ANO7: variants seen among roughly 807,000 people sequenced by gnomAD.
ANO7 encodes anoctamin-7.
A neutral mutation model predicts 115.8 loss-of-function variants in ANO7; 114 were observed. The observed-to-expected ratio is 0.98, with a 90% CI of 0.85 to 1.15. ANO7 has a LOEUF of 1.15. ANO7 is among the 50% of genes most tolerant of loss of function. ANO7 has a pLI of 0.00. For synonymous variants in ANO7, 550 were observed against 498.2 expected (o/e 1.10, Z -1.38); for missense variants, 1,302 against 1,201.2 (o/e 1.08, Z -1.24).
At chr2:241,235,475 G>C in the ANO7 span, 1 of 1,600,814 alleles carries the variant, frequency 6.2e-7, no homozygotes, top group East Asian at 2.2e-5. Context: ...ATGGCCTCCC[G>C]GGAAAGGGGT....
Position 241,217,922 on chromosome 2 carries a change from CGGGGGCGCGCAGGGGCG to C in ANO7, c.2178+36_2178+52del, listed in dbSNP as rs780276274. 548 of 534,484 alleles carry C rather than the reference CGGGGGCGCGCAGGGGCG, an allele frequency of 1.0e-3. 9 individuals are homozygous for C. The highest frequency in any genetic ancestry group is 8.3e-3 in the South Asian group (375 of 45,202). The allele number at this position is 534,484 out of a possible 1,614,324, so 33.1% of individuals were successfully genotyped here. A position where few individuals can be genotyped will look rare whatever the true frequency, so the allele number is the denominator to read the frequency against. On this transcript the variant is annotated intron_variant, in intron 20 of 24. Transcript: ENST00000674324. ...GCCCGGGCGGGAGCGCGGGGCGGGG[CGGGGGCGCGCAGGGGCG>C]GGGGCGGGGGGGGCAGCGGGGGCGC...
chr2:241,217,679 C>T lies in ANO7; in HGVS notation c.1973-7C>T. On this transcript the variant is annotated splice_polypyrimidine_tract_variant and splice_region_variant and intron_variant, in intron 19 of 24. Transcript: ENST00000674324. ...CGGAGAGCCCGGCCGTGACCCCCTC[C>T]CCGCAGTGCTGCAGTTCGGCTTCGT... 1 of 1,574,266 alleles carries T rather than the reference C, an allele frequency of 6.4e-7. No homozygotes were observed. Among genetic ancestry groups the T allele is most frequent in the Non-Finnish European group, 8.6e-7 (1 of 1,160,804 alleles).
intron 10 of ANO7, 28 bp downstream of exon 10, chr2:241,204,983 G>A (rs1373738713): frequency 1.9e-6 from 3 of 1,605,720 alleles, no homozygotes; most frequent in Non-Finnish European, 2.6e-6. Flanking sequence ...GCAGCTCTGG[G>A]GCCTGGTGCT....
downstream of ANO7, among the ~76,000 whole-genome samples, chr2:241,230,521 C>T (rs989650763): frequency 3.3e-5 from 5 of 152,226 alleles, no homozygotes; most frequent in South Asian, 2.1e-4. The surrounding 1 kb of genome is among the most constrained non-coding windows in gnomAD (Gnocchi z 5.0). Flanking sequence ...CCACAGAGGA[C>T]GAGCTCGCCA....
intron 11 of ANO7, among the ~76,000 whole-genome samples, chr2:241,208,924 T>G (rs11681647): frequency 1.3e-5 from 2 of 151,466 alleles, no homozygotes; most frequent in Non-Finnish European, 2.9e-5. Context: ...CCAAGGCGGG[T>G]GGATCACAAG....
At chr2:241,190,751 T>C (rs1423883585) in intron 2 of ANO7, among the ~76,000 whole-genome samples, 1 of 152,104 alleles carries the variant, frequency 6.6e-6, no homozygotes, top group African/African-American at 2.4e-5. Flanking sequence ...ACAGGGCCTC[T>C]CACCTCAAGC....
chr2:241,215,620 A>C (rs2068812536), intron 18 of ANO7, among the ~76,000 whole-genome samples: 1 of 152,236 alleles, frequency 6.6e-6, no homozygotes, highest in African/African-American at 2.4e-5. Context: ...TGCAGGGTGG[A>C]GCTCTGTGCC....
rs1022022853 is a variant in ANO7 at position 241,209,566 on chromosome 2, C to T, written c.1290C>T (p.Asp430=). ...MTAPNPITGE[D]EPYFPERSRA... ...CCCCGAACCCCATCACGGGTGAGGA[C>T]GAGCCCTACTTCCCTGAGAGGAGCC... Residue 430 remains aspartate, a synonymous_variant, in exon 13 of 25, where the codon GAC becomes GAT. Transcript: ENST00000674324. 3.7e-6 allele frequency: 6 copies of T among 1,601,562 alleles called. No individual in the cohort carries two copies. Among genetic ancestry groups the T allele is most frequent in the Non-Finnish European group, 4.3e-6 (5 of 1,175,084 alleles).
downstream of ANO7, among the ~76,000 whole-genome samples, chr2:241,226,615 G>A (rs929939568): frequency 5.9e-5 from 9 of 151,986 alleles, no homozygotes; most frequent in African/African-American, 1.9e-4. Flanking sequence ...TAATAGAGAC[G>A]GGGTTTCACC....
rs1194057467 is a variant in ANO7, at chr2:241,217,868, A to T, written c.2155A>T (p.Thr719Ser). 6.3e-7 allele frequency: 1 copy of T among 1,592,324 alleles called. No homozygotes were observed. The highest frequency in any genetic ancestry group is 8.5e-7 in the Non-Finnish European group (1 of 1,173,492). Residue 719 changes from threonine (T) to serine (S), a missense_variant, in exon 20 of 25, where the codon ACG (threonine) becomes TCG (serine). Transcript: ENST00000674324. ...CTGGTTCCACATCCTGGCGGGCCTC[A>T]CGCACCTGGCGGTCATCAGCAACGT... ...GIWFHILAGL[T>S]HLAVISNAFL... is the part of the protein sequence containing the mutation.
intron 3 of ANO7, 31 bp downstream of exon 3, chr2:241,191,282 C>CG: frequency 6.2e-7 from 1 of 1,611,698 alleles, no homozygotes; most frequent in South Asian, 1.1e-5. Context: ...GTACCACACC[C>CG]GTGTTGGTCC....
chr2:241,236,926 G>T, the ANO7 span, among the ~76,000 whole-genome samples: 1 of 149,574 alleles, frequency 6.7e-6, no homozygotes, highest in Non-Finnish European at 1.5e-5. Flanking sequence ...TCTGGTCAGG[G>T]AGAGCAGATA....
At chr2:241,216,857 G>A (rs1025744728) in intron 19 of ANO7, among the ~76,000 whole-genome samples, 2 of 152,126 alleles carry the variant, frequency 1.3e-5, no homozygotes, top group African/African-American at 4.8e-5. Flanking sequence ...TTTTTGAGAC[G>A]GAGTCTCCCT....
chr2:241,211,235 T>C (rs1185765988), intron 15 of ANO7, among the ~76,000 whole-genome samples: 2 of 152,156 alleles, frequency 1.3e-5, no homozygotes, highest in Non-Finnish European at 2.9e-5. Flanking sequence ...CCCTCTAGGA[T>C]AGGGCCGCTG....
At chr2:241,200,936 C>T (rs903673473) in intron 6 of ANO7, among the ~76,000 whole-genome samples, 1 of 152,250 alleles carries the variant, frequency 6.6e-6, no homozygotes, top group African/African-American at 2.4e-5. Context: ...GGGCGGCACA[C>T]GGGATGGGGC....
Position 241,188,908 on chromosome 2 carries a change from C to T in ANO7, c.-8+142C>T. 8.6e-7 allele frequency: 1 copy of T among 1,165,866 alleles called. No individual in the cohort carries two copies. Among genetic ancestry groups the T allele is most frequent in the Non-Finnish European group, 1.2e-6 (1 of 849,640 alleles). 72.2% of individuals were successfully genotyped at this position (1,165,866 alleles called of 1,614,324 possible). ...GCAGTGCCAGGGCCCGCCCTGGTCC[C>T]CAAAGCCCCTTGGGGCACGAGGAGG... is the stretch of plus-strand genomic sequence containing the variant. On this transcript the variant is annotated intron_variant, in intron 1 of 24. Transcript: ENST00000674324. The surrounding 1 kb of genome is among the most constrained non-coding windows in gnomAD (Gnocchi z 4.3).
At position 241,210,146 on chromosome 2, in the gene ANO7, C is replaced by T. The variant is rs553899870; in HGVS notation, c.1360-149C>T. On this transcript the variant is annotated intron_variant, in intron 13 of 24. Coordinates refer to ENST00000674324, the MANE Select transcript of ANO7 (RefSeq NM_001370694.2). ...CATCAGGAAGGACATAGCCTGGGAG[C>T]ACAGCCGGGGCTGGAGGCAGGGGCC... 2.8e-5 allele frequency: 21 copies of T among 739,392 alleles called. No individual in the cohort carries two copies. In the East Asian group the frequency reaches 4.6e-4, roughly 16 times the overall value. 45.8% of individuals were successfully genotyped at this position (739,392 alleles called of 1,614,324 possible).
In ANO7 at chr2:241,209,772, C is replaced by T. The variant is rs975450852; in HGVS notation, c.1359+137C>T. Reference sequence around the variant, plus strand: ...GAACCCTCACTCCCCGCAGAGAGGCCCCCATGTGCCCGGGCTCGGCCGTGG... The same window carrying T: ...GAACCCTCACTCCCCGCAGAGAGGCTCCCATGTGCCCGGGCTCGGCCGTGG... On this transcript the variant is annotated intron_variant, in intron 13 of 24. Coordinates refer to ENST00000674324, the MANE Select transcript of ANO7 (RefSeq NM_001370694.2). 39 of 1,263,632 alleles carry T rather than the reference C, an allele frequency of 3.1e-5. No homozygotes were observed. The Admixed American group carries it at 3.7e-4, about 12-fold the overall frequency. 78.3% of individuals were successfully genotyped at this position (1,263,632 alleles called of 1,614,324 possible).
chr2:241,203,519 C>T lies in ANO7; in HGVS notation c.889+21C>T, dbSNP rs373888226. On this transcript the variant is annotated intron_variant, in intron 9 of 24. Coordinates refer to ENST00000674324, the MANE Select transcript of ANO7 (RefSeq NM_001370694.2). This position sits in a 1 kb window ranked among gnomAD's most constrained non-coding sequence, Gnocchi z 4.8. ...GCTCGGTGAGTCCCCCCCGCTGCCC[C>T]CCAGACCACCTGGGCCCCCCCAGCT... 2 of 1,438,254 alleles carry T rather than the reference C, an allele frequency of 1.4e-6. No individual in the cohort carries two copies. Among genetic ancestry groups the T allele is most frequent in the African/African-American group, 1.5e-5 (1 of 67,824 alleles). 89.1% of individuals were successfully genotyped at this position (1,438,254 alleles called of 1,614,324 possible).
Sources: allele counts gnomAD v4.1 joint callset (sites outside exome capture counted in the v4.1 genomes callset), GRCh38; gene constraint gnomAD v4.1.1; non-coding constraint Gnocchi (gnomAD v3.1); transcripts MANE v1.5; gene names NCBI Gene and HGNC (gene_info 2026-07-23, HGNC 2026-07-21).